The following DCAF11 variants were observed in gnomAD, a reference collection of about 807,000 sequenced individuals.
DCAF11 encodes the protein DDB1- and CUL4-associated factor 11.
In DCAF11, 44 loss-of-function variants were observed where a neutral mutation model predicts 76.1. The ratio of observed to expected loss-of-function variants is 0.58; its 90% CI spans 0.45 to 0.74. DCAF11 has a LOEUF of 0.74. Among genes scored for constraint, DCAF11 ranks in the 30% least tolerant of loss-of-function variants. The probability of loss-of-function intolerance (pLI) is 0.00; values close to 1 mark genes in which losing one functional copy is unlikely to be tolerated. For missense variants in DCAF11, 604 were observed against 709.4 expected (o/e 0.85, Z 1.69); for synonymous variants, 258 against 255.0 (o/e 1.01, Z -0.11).
At position 24,123,050 on chromosome 14, in the gene DCAF11, CT is replaced by C. The variant is rs1345009582; in HGVS notation, c.1482del (p.Phe494LeufsTer63). 6.2e-7 allele frequency: 1 copy of C among 1,614,164 alleles called. No individual in the cohort carries two copies. Among genetic ancestry groups the C allele is most frequent in the East Asian group, 2.2e-5 (1 of 44,890 alleles). On this transcript the variant is annotated frameshift_variant, in exon 14 of 15. Coordinates refer to ENST00000446197, the MANE Select transcript of DCAF11 (RefSeq NM_025230.5). LOFTEE classifies it high-confidence loss of function. ...ACVRDVSWHP[F>X]EEKIVSSSWD... Reference sequence around the variant, plus strand: ...GTGTGCGTGACGTCAGTTGGCACCCCTTTGAAGAGAAGATTGTCAGCAGTTC... The same window carrying C: ...GTGTGCGTGACGTCAGTTGGCACCCCTTGAAGAGAAGATTGTCAGCAGTTC...
Position 24,117,464 on chromosome 14 carries a change from A to G in DCAF11, c.411+71A>G. On this transcript the variant is annotated intron_variant, in intron 4 of 14. Transcript: ENST00000446197. This position sits in a 1 kb window ranked among gnomAD's most constrained non-coding sequence, Gnocchi z 4.3. ...GCCAGAAGCTCTGCCAGCCCCAGAGAAAAAGGAAGTCAACTTTCCAAAGTA... is the reference window on the plus strand; with the variant it reads ...GCCAGAAGCTCTGCCAGCCCCAGAGGAAAAGGAAGTCAACTTTCCAAAGTA... 6.3e-7 allele frequency: 1 copy of G among 1,599,318 alleles called. No individual in the cohort carries two copies. The highest frequency in any genetic ancestry group is 2.2e-5 in the East Asian group (1 of 44,660).
chr14:24,121,488 A>G lies in DCAF11; in HGVS notation c.1370A>G (p.Tyr457Cys), dbSNP rs2037690337. ...PIHSTGQQFI[Y>C]SGCSTGKVVV... is the part of the protein sequence containing the mutation. ...CATAGCACTGGCCAGCAGTTCATCT[A>G]CAGTGGCTGCTCCACTGGCAAAGTG... Residue 457 changes from tyrosine to cysteine, a missense_variant, in exon 13 of 15, where the codon TAC (tyrosine) becomes TGC (cysteine). Coordinates refer to ENST00000446197, the MANE Select transcript of DCAF11 (RefSeq NM_025230.5). The G allele has an allele frequency of 1.2e-6, 2 of 1,614,196 alleles. No individual in the cohort carries two copies. Among genetic ancestry groups the G allele is most frequent in the South Asian group, 2.2e-5 (2 of 91,080 alleles).
chr14:24,118,955 G>T, intron 8 of DCAF11, 151 bp downstream of exon 8: 1 of 1,136,356 alleles, frequency 8.8e-7, no homozygotes. Flanking sequence ...CATCTTGTCA[G>T]CCAGAGGACT....
At chr14:24,121,987 C>T (rs757259592) in intron 13 of DCAF11, 3 of 157,204 alleles carry the variant, frequency 1.9e-5, no homozygotes, top group Non-Finnish European at 4.2e-5. Flanking sequence ...CCAGCCAGGG[C>T]AACATGGAGA....
Position 24,123,270 on chromosome 14 carries a change from A to G in DCAF11, c.1602A>G (p.Pro534=). ...AGGAATGTGCCAGCGCCCCTGCCCC[A>G]GTGCCCCAATCCTCTACACCCTTTT... is the stretch of plus-strand genomic sequence containing the variant. ...ESEECASAPA[P]VPQSSTPFSS... is the part of the protein sequence containing the mutation. Residue 534 remains proline, a synonymous_variant, in exon 15 of 15, where the codon CCA becomes CCG. Transcript: ENST00000446197. 2 of 1,559,908 alleles carry G rather than the reference A, an allele frequency of 1.3e-6. No homozygotes were observed. Among genetic ancestry groups the G allele is most frequent in the Non-Finnish European group, 1.7e-6 (2 of 1,151,530 alleles).
In DCAF11 at chr14:24,117,426, G is replaced by A; in HGVS notation, c.411+33G>A. Reference sequence around the variant, plus strand: ...TCTCCACCTCCCAGCCTGGCAGCAGGCCTGCCAAAGCAGCCAGAAGCTCTG... The same window carrying A: ...TCTCCACCTCCCAGCCTGGCAGCAGACCTGCCAAAGCAGCCAGAAGCTCTG... On this transcript the variant is annotated intron_variant, in intron 4 of 14. Transcript: ENST00000446197. The surrounding 1 kb of genome is among the most constrained non-coding windows in gnomAD (Gnocchi z 4.3). 6.2e-7 allele frequency: 1 copy of A among 1,611,580 alleles called. No individual in the cohort carries two copies. The highest frequency in any genetic ancestry group is 8.5e-7 in the Non-Finnish European group (1 of 1,178,534).
rs768511123 is a variant in DCAF11 at position 24,117,653 on chromosome 14, A to G, written c.412-15A>G. 6 of 1,613,470 alleles carry G rather than the reference A, an allele frequency of 3.7e-6. No homozygotes were observed. Among genetic ancestry groups the G allele is most frequent in the Non-Finnish European group, 5.1e-6 (6 of 1,179,514 alleles). Reference sequence around the variant, plus strand: ...CTATTTCTGCTAGCAATATTCCCCAATCCCTTCCATTTAGAGAGAACGGGG... The same window carrying G: ...CTATTTCTGCTAGCAATATTCCCCAGTCCCTTCCATTTAGAGAGAACGGGG... On this transcript the variant is annotated splice_polypyrimidine_tract_variant and intron_variant, in intron 4 of 14. Coordinates refer to ENST00000446197, the MANE Select transcript of DCAF11 (RefSeq NM_025230.5). This position sits in a 1 kb window ranked among gnomAD's most constrained non-coding sequence, Gnocchi z 4.3.
At chr14:24,119,241 CAAT>C in intron 9 of DCAF11, 28 bp downstream of exon 9, 1 of 1,613,474 alleles carries the variant, frequency 6.2e-7, no homozygotes, top group Middle Eastern at 1.7e-4. Context: ...ATGTTTCCCT[CAAT>C]AACAAGATGG....
Position 24,119,191 on chromosome 14 carries a change from G to A in DCAF11, c.826G>A (p.Asp276Asn), listed in dbSNP as rs759577573. 2.8e-5 allele frequency: 46 copies of A among 1,614,188 alleles called. No homozygotes were observed. The highest frequency in any genetic ancestry group is 3.8e-5 in the Non-Finnish European group (45 of 1,180,026). Reference protein sequence around the residue: ...FAVFSIAVSSDGREVLGGAND... With the variant: ...FAVFSIAVSSNGREVLGGAND... ...TGTCTTCTCCATTGCTGTCTCCTCAGATGGACGAGAAGTACTAGGAGGGTA... is the reference window on the plus strand; with the variant it reads ...TGTCTTCTCCATTGCTGTCTCCTCAAATGGACGAGAAGTACTAGGAGGGTA... The change falls in exon 9 of 15, where the codon GAT becomes AAT. Residue 276 changes from aspartate to asparagine, a missense_variant. By Grantham distance (23) the Asp-to-Asn change is conservative. Transcript: ENST00000446197.
intron 13 of DCAF11, among the ~76,000 whole-genome samples, chr14:24,122,405 G>A (rs1353439519): frequency 3.3e-5 from 5 of 150,446 alleles, no homozygotes; most frequent in Non-Finnish European, 7.4e-5. Flanking sequence ...CAGGAGAATC[G>A]CTTGAACCCG....
In DCAF11 at chr14:24,117,929, G is replaced by A; in HGVS notation, c.477-126G>A. The A allele has an allele frequency of 1.1e-6, 1 of 887,922 alleles. No individual in the cohort carries two copies. Among genetic ancestry groups the A allele is most frequent in the Non-Finnish European group, 1.8e-6 (1 of 566,026 alleles). The allele number at this position is 887,922 out of a possible 1,614,324, so 55.0% of individuals were successfully genotyped here. ...AGGATGGTGGAATGGTTGAAAGACG[G>A]GATTGCACTCACAGCCAAAAGGGAA... On this transcript the variant is annotated intron_variant, in intron 5 of 14. Transcript: ENST00000446197. This position sits in a 1 kb window ranked among gnomAD's most constrained non-coding sequence, Gnocchi z 4.3.
rs781765986 is a variant in DCAF11 at position 24,117,437 on chromosome 14, C to A, written c.411+44C>A. On this transcript the variant is annotated intron_variant, in intron 4 of 14. Coordinates refer to ENST00000446197, the MANE Select transcript of DCAF11 (RefSeq NM_025230.5). The surrounding 1 kb of genome is among the most constrained non-coding windows in gnomAD (Gnocchi z 4.3). ...CAGCCTGGCAGCAGGCCTGCCAAAGCAGCCAGAAGCTCTGCCAGCCCCAGA... is the reference window on the plus strand; with the variant it reads ...CAGCCTGGCAGCAGGCCTGCCAAAGAAGCCAGAAGCTCTGCCAGCCCCAGA... 2.5e-6 allele frequency: 4 copies of A among 1,609,370 alleles called. No individual in the cohort carries two copies. In the East Asian group the frequency reaches 8.9e-5, roughly 36 times the overall value.
intron 9 of DCAF11, 24 bp from the exon 10 acceptor site, chr14:24,119,535 C>T: frequency 6.2e-6 from 10 of 1,614,156 alleles, no homozygotes; most frequent in Non-Finnish European, 8.5e-6. Flanking sequence ...GCTCCAGGAC[C>T]CTCCTTTATC....
chr14:24,121,181 G>T (rs2037684130), intron 12 of DCAF11, among the ~76,000 whole-genome samples, 184 bp from the exon 13 acceptor site: 1 of 152,220 alleles, frequency 6.6e-6, no homozygotes, highest in African/African-American at 2.4e-5. Flanking sequence ...GTATGTGAGT[G>T]TAATGATTAA....
At chr14:24,118,912 G>A (rs766323261) in intron 8 of DCAF11, 108 bp downstream of exon 8, 2 of 1,294,668 alleles carry the variant, frequency 1.5e-6, no homozygotes, top group Non-Finnish European at 2.2e-6. Context: ...AAGTATACTG[G>A]TGGGTCTGTG....
At chr14:24,118,319 G>C (rs1322322981) in intron 6 of DCAF11, 69 bp from the exon 7 acceptor site, 17 of 1,605,986 alleles carry the variant, frequency 1.1e-5, no homozygotes, top group Non-Finnish European at 1.4e-5. Flanking sequence ...ACACTGAGTG[G>C]GAGATGTCTA....
At chr14:24,120,771 G>A in intron 11 of DCAF11, 67 bp from the exon 12 acceptor site, 1 of 1,587,250 alleles carries the variant, frequency 6.3e-7, no homozygotes, top group South Asian at 1.1e-5. Flanking sequence ...TAGAGAACGG[G>A]AACTAGACTG....
In DCAF11 at chr14:24,118,154, A is replaced by G; in HGVS notation, c.576A>G (p.Gln192=). The G allele has an allele frequency of 1.2e-6, 2 of 1,610,964 alleles. No individual in the cohort carries two copies. The highest frequency in any genetic ancestry group is 2.2e-5 in the East Asian group (1 of 44,872). ...KDGQIFMSAC[Q]DQTIRLYDCR... Reference sequence around the variant, plus strand: ...GTCAAATATTCATGTCTGCTTGCCAAGGTACCAGACCCTGGTCCTATAAAC... The same window carrying G: ...GTCAAATATTCATGTCTGCTTGCCAGGGTACCAGACCCTGGTCCTATAAAC... Residue 192 remains glutamine, a splice_region_variant and synonymous_variant, in exon 6 of 15, where the codon CAA becomes CAG. Coordinates refer to ENST00000446197, the MANE Select transcript of DCAF11 (RefSeq NM_025230.5).
Position 24,115,680 on chromosome 14 carries a change from G to C in DCAF11, c.86G>C (p.Arg29Pro), listed in dbSNP as rs763491085. The change falls in exon 2 of 15, where the codon CGG (arginine) becomes CCG (proline). Residue 29 changes from arginine to proline, a missense_variant. Physicochemically the swap from Arg to Pro is moderately radical, Grantham distance 103. Transcript: ENST00000446197. ...CCCCGAAGAGGGGCTGGCCTGCGTCGGAGTGAGGAAGAGGAAGAAGAGGAT... is the reference window on the plus strand; with the variant it reads ...CCCCGAAGAGGGGCTGGCCTGCGTCCGAGTGAGGAAGAGGAAGAAGAGGAT... The part of the protein sequence containing the change: ...GLPRRGAGLR[R>P]SEEEEEEDED... 3.1e-6 allele frequency: 5 copies of C among 1,613,726 alleles called. No homozygotes were observed. In the African/African-American group the frequency reaches 6.7e-5, roughly 22 times the overall value.
Sources: allele counts gnomAD v4.1 joint callset (sites outside exome capture counted in the v4.1 genomes callset), GRCh38; gene constraint gnomAD v4.1.1; non-coding constraint Gnocchi (gnomAD v3.1); transcripts MANE v1.5; gene names NCBI Gene and HGNC (gene_info 2026-07-23, HGNC 2026-07-21).